The following FBXO17 variants were observed in gnomAD, a reference collection of about 807,000 sequenced individuals.
FBXO17 encodes the protein F-box protein 17, also known as F-box only protein 17.
FBXO17 carries 43 observed loss-of-function variants against 34.1 expected under a neutral mutation model. The ratio of observed to expected loss-of-function variants is 1.26; its 90% CI spans 0.99 to 1.62. FBXO17 has a LOEUF of 1.62. FBXO17 is among the 40% of genes most tolerant of loss of function. FBXO17 has a pLI of 0.00. For missense variants in FBXO17, 424 were observed against 386.7 expected (o/e 1.10, Z -0.81); for synonymous variants, 169 against 166.0 (o/e 1.02, Z -0.14).
intron 1 of FBXO17, among the ~76,000 whole-genome samples, chr19:38,965,944 A>C (rs1421387110): frequency 6.6e-6 from 1 of 151,408 alleles, no homozygotes; most frequent in East Asian, 2.0e-4. Flanking sequence ...TCCCAGCCTC[A>C]ACATTCTTTT....
chr19:38,947,088 C>A (rs927468528), intron 3 of FBXO17: 1 of 157,094 alleles, frequency 6.4e-6, no homozygotes, highest in Non-Finnish European at 1.4e-5. Context: ...GGCACTCTCT[C>A]CTCATTTTCC....
Position 38,950,235 on chromosome 19 carries a change from C to T in FBXO17, c.85G>A (p.Val29Met). Residue 29 changes from valine to methionine, a missense_variant, in exon 2 of 6, where the codon GTG becomes ATG. Coordinates refer to ENST00000292852, the MANE Select transcript of FBXO17 (RefSeq NM_024907.7). ...DALPPELLVQ[V>M]LSHVPPRSLV... ...GAGCGTGGCGGCACGTGGCTCAGCA[C>T]CTGCACCAGCAGCTCCGGGGGCAGC... is the stretch of plus-strand genomic sequence containing the variant. 2 of 1,532,970 alleles carry T rather than the reference C, an allele frequency of 1.3e-6. No individual in the cohort carries two copies. Among genetic ancestry groups the T allele is most frequent in the East Asian group, 5.1e-5 (2 of 39,558 alleles). 95.0% of individuals were successfully genotyped at this position (1,532,970 alleles called of 1,614,324 possible).
chr19:38,956,646 G>A (rs922998394), intron 1 of FBXO17, among the ~76,000 whole-genome samples: 13 of 151,882 alleles, frequency 8.6e-5, no homozygotes, highest in Non-Finnish European at 1.8e-4. Context: ...TTTGGGAGGC[G>A]GAGGTGGGTG....
chr19:38,960,821 T>G (rs1006275603), intron 1 of FBXO17, among the ~76,000 whole-genome samples: 1 of 150,448 alleles, frequency 6.6e-6, no homozygotes, highest in Admixed American at 6.7e-5. Context: ...TTTTTTTTTT[T>G]TTTGATATGG....
chr19:38,974,076 A>G (rs1975429616), intron 1 of FBXO17, among the ~76,000 whole-genome samples: 1 of 148,540 alleles, frequency 6.7e-6, no homozygotes, highest in Non-Finnish European at 1.5e-5. Context: ...ATATATATGT[A>G]CATATATAGT....
At chr19:38,972,790 G>T (rs1220527602) in intron 1 of FBXO17, among the ~76,000 whole-genome samples, 4 of 151,790 alleles carry the variant, frequency 2.6e-5, no homozygotes, top group Non-Finnish European at 5.9e-5. Context: ...ACAGAGTTTT[G>T]CTCTTGTCGC....
rs569356205 is a variant in FBXO17, at chr19:38,941,681, G to C, written c.*927C>G. 1.3e-5 allele frequency: 2 copies of C among 152,314 alleles called. No individual in the cohort carries two copies. The highest frequency in any genetic ancestry group is 4.1e-4 in the South Asian group (2 of 4,824). 9.4% of individuals were successfully genotyped at this position (152,314 alleles called of 1,614,324 possible). A position where few individuals can be genotyped will look rare whatever the true frequency, so the allele number is the denominator to read the frequency against. Reference sequence around the variant, plus strand: ...CCCTTTAAGCGGTTTTCCGCCCTGGGTGGGCCAGGTGTTCCTCGCCCTCGT... The same window carrying C: ...CCCTTTAAGCGGTTTTCCGCCCTGGCTGGGCCAGGTGTTCCTCGCCCTCGT... On this transcript the variant is annotated 3_prime_UTR_variant, in exon 6 of 6. Transcript: ENST00000292852.
intron 4 of FBXO17, chr19:38,946,266 TG>T: frequency 1.2e-6 from 1 of 809,644 alleles, no homozygotes; most frequent in Non-Finnish European, 1.9e-6. Context: ...GGGATGAGGG[TG>T]GGCAGGAGTG....
intron 1 of FBXO17, among the ~76,000 whole-genome samples, chr19:38,959,485 C>T (rs986603348): frequency 3.3e-5 from 5 of 151,358 alleles, no homozygotes; most frequent in Non-Finnish European, 7.4e-5. Context: ...CGGGATTTCA[C>T]CATGTTGGCC....
chr19:38,956,349 A>T (rs1975167880), intron 1 of FBXO17, among the ~76,000 whole-genome samples: 1 of 151,348 alleles, frequency 6.6e-6, no homozygotes, highest in Admixed American at 6.6e-5. Flanking sequence ...TCTTTTTTTT[A>T]AGTAAAACCT....
At chr19:38,958,749 G>C (rs1315371090) in intron 1 of FBXO17, among the ~76,000 whole-genome samples, 4 of 152,148 alleles carry the variant, frequency 2.6e-5, no homozygotes, top group Admixed American at 6.6e-5. Flanking sequence ...GTGGCTATGA[G>C]AACATTTCCT....
chr19:38,957,481 G>A (rs1975182833), intron 1 of FBXO17, among the ~76,000 whole-genome samples: 1 of 152,136 alleles, frequency 6.6e-6, no homozygotes, highest in African/African-American at 2.4e-5. Flanking sequence ...GGGTAGCTGG[G>A]ATTACAGGCA....
At chr19:38,948,993 C>T (rs1035893152) in intron 2 of FBXO17, among the ~76,000 whole-genome samples, 4 of 152,104 alleles carry the variant, frequency 2.6e-5, no homozygotes, top group Middle Eastern at 3.4e-3. Flanking sequence ...GCAGTGGCTC[C>T]ATCATAGCTC....
At chr19:38,956,772 C>G (rs978953088) in intron 1 of FBXO17, among the ~76,000 whole-genome samples, 1 of 152,004 alleles carries the variant, frequency 6.6e-6, no homozygotes, top group Non-Finnish European at 1.5e-5. Context: ...CCCAGCTACT[C>G]AGGAGGCTGA....
intron 2 of FBXO17, among the ~76,000 whole-genome samples, chr19:38,948,961 A>T (rs1362842706): frequency 6.6e-6 from 1 of 151,978 alleles, no homozygotes; most frequent in African/African-American, 2.4e-5. Context: ...ACAGGGTCTC[A>T]CTCTGTCGCC....
intron 1 of FBXO17, among the ~76,000 whole-genome samples, chr19:38,952,226 C>T (rs576448947): frequency 5.9e-5 from 9 of 152,258 alleles, no homozygotes; most frequent in South Asian, 2.1e-4. Flanking sequence ...GGATTTCAGG[C>T]GTGAGCCACC....
intron 1 of FBXO17, among the ~76,000 whole-genome samples, chr19:38,954,983 T>C (rs1975146312): frequency 6.6e-6 from 1 of 150,502 alleles, no homozygotes; most frequent in African/African-American, 2.4e-5. Flanking sequence ...CAGCCTGGAA[T>C]GCAGTGGTGC....
chr19:38,965,403 C>G (rs1975306678), intron 1 of FBXO17, among the ~76,000 whole-genome samples: 2 of 151,914 alleles, frequency 1.3e-5, no homozygotes, highest in African/African-American at 4.8e-5. Flanking sequence ...TCTCAGCTCA[C>G]TGCAACCTCC....
intron 1 of FBXO17, among the ~76,000 whole-genome samples, chr19:38,962,519 A>G (rs967403265): frequency 1.5e-4 from 23 of 151,898 alleles, no homozygotes; most frequent in Non-Finnish European, 7.4e-5. Context: ...TCTCCCCACC[A>G]TCTTACTGAA....
Sources: allele counts gnomAD v4.1 joint callset (sites outside exome capture counted in the v4.1 genomes callset), GRCh38; gene constraint gnomAD v4.1.1; transcripts MANE v1.5; gene names NCBI Gene and HGNC (gene_info 2026-07-23, HGNC 2026-07-21).